The following PAK6 variants were observed in gnomAD, a reference collection of about 807,000 sequenced individuals.
PAK6 encodes serine/threonine-protein kinase PAK 6.
A neutral mutation model predicts 60.8 loss-of-function variants in PAK6; 33 were observed. That is an observed-to-expected ratio of 0.54 (90% CI 0.41 to 0.73). The LOEUF (loss-of-function observed/expected upper bound fraction) is 0.73. Among genes scored for constraint, PAK6 ranks in the 30% least tolerant of loss-of-function variants. The pLI is 0.00. For synonymous variants in PAK6, 404 were observed against 378.5 expected (o/e 1.07, Z -0.78); for missense variants, 845 against 904.1 (o/e 0.93, Z 0.84).
intron 5 of PAK6, 85 bp downstream of exon 5, chr15:40,266,580 T>C: frequency 1.5e-6 from 2 of 1,343,076 alleles, no homozygotes; most frequent in Non-Finnish European, 2.0e-6. Context: ...CTTGGAGGAC[T>C]GGCAAAGAGG....
chr15:40,274,937 C>T (rs2039407798), intron 10 of PAK6, among the ~76,000 whole-genome samples: 1 of 152,186 alleles, frequency 6.6e-6, no homozygotes, highest in African/African-American at 2.4e-5. Flanking sequence ...AGCCTCTCCT[C>T]TAAAATAGCA....
At chr15:40,253,126 G>A in intron 2 of PAK6, 52 bp from the exon 3 acceptor site, 2 of 437,384 alleles carry the variant, frequency 4.6e-6, no homozygotes, top group Admixed American at 4.9e-5. Context: ...CAACACCCGC[G>A]GGAACACTTG....
chr15:40,264,773 A>C lies in PAK6; in HGVS notation c.-5-8A>C. 3 of 1,613,222 alleles carry C rather than the reference A, an allele frequency of 1.9e-6. No homozygotes were observed. The highest frequency in any genetic ancestry group is 3.3e-4 in the Middle Eastern group (2 of 6,062). On this transcript the variant is annotated splice_polypyrimidine_tract_variant and splice_region_variant and intron_variant, in intron 3 of 10. Transcript: ENST00000560346. ...GGGAGGGAGCTCAACCTTACTCTGC[A>C]CTTACAGGCACCATGTTCCGCAAGA... is the stretch of plus-strand genomic sequence containing the variant.
chr15:40,247,313 G>C (rs2038521786), intron 2 of PAK6: 1 of 152,276 alleles, frequency 6.6e-6, no homozygotes, highest in Admixed American at 6.5e-5. Flanking sequence ...GCCATTAAGA[G>C]CAGGCACTGC....
At chr15:40,261,846 C>T (rs536160544) in intron 3 of PAK6, among the ~76,000 whole-genome samples, 1 of 152,330 alleles carries the variant, frequency 6.6e-6, no homozygotes, top group South Asian at 2.1e-4. Flanking sequence ...CCCTGGGACA[C>T]CCTCTGGGCT....
intron 3 of PAK6, chr15:40,263,948 A>G (rs2039050703): frequency 4.4e-6 from 2 of 455,894 alleles, no homozygotes; most frequent in Admixed American, 2.4e-5. Context: ...CTCCAATACC[A>G]GAGAGAAGAG....
intron 3 of PAK6, among the ~76,000 whole-genome samples, chr15:40,255,533 A>G (rs920303904): frequency 6.6e-6 from 1 of 152,188 alleles, no homozygotes; most frequent in African/African-American, 2.4e-5. Flanking sequence ...TGAGGGCCAC[A>G]ACCTGCGTCT....
At chr15:40,270,924 C>A (rs1008781208) in intron 5 of PAK6, among the ~76,000 whole-genome samples, 15 of 152,120 alleles carry the variant, frequency 9.9e-5, no homozygotes, top group Non-Finnish European at 2.1e-4. Flanking sequence ...GTGAGGGTTG[C>A]CAAAGACACT....
intron 3 of PAK6, chr15:40,258,457 GATAA>G (rs1417820502): frequency 6.6e-6 from 1 of 152,268 alleles, no homozygotes; most frequent in African/African-American, 2.4e-5. Context: ...TGGATTTGTG[GATAA>G]CAATTCCTTC....
chr15:40,241,007 T>G (rs553093808), intron 2 of PAK6, among the ~76,000 whole-genome samples: 39 of 152,318 alleles, frequency 2.6e-4, no homozygotes, highest in African/African-American at 9.4e-4. Flanking sequence ...GACATTTCCC[T>G]TGTGTATTCA....
At chr15:40,272,303 A>G in exon 6 of PAK6, 1 of 1,613,998 alleles carries the variant, frequency 6.2e-7, no homozygotes, top group Non-Finnish European at 8.5e-7. Flanking sequence ...CCCTCGGACC[A>G]GCCGGTGGGG....
intron 3 of PAK6, among the ~76,000 whole-genome samples, chr15:40,261,512 G>A (rs994899898): frequency 3.9e-5 from 6 of 151,952 alleles, no homozygotes; most frequent in African/African-American, 7.3e-5. Context: ...ACTCCAGCCC[G>A]GGCAAGACAG....
chr15:40,241,598 C>G (rs920845871), intron 2 of PAK6, among the ~76,000 whole-genome samples: 2 of 152,144 alleles, frequency 1.3e-5, no homozygotes, highest in Non-Finnish European at 2.9e-5. Context: ...AGGGAAGGGT[C>G]GGCACCAGAG....
chr15:40,241,549 A>G (rs2038339062), intron 2 of PAK6, among the ~76,000 whole-genome samples: 1 of 152,056 alleles, frequency 6.6e-6, no homozygotes, highest in Non-Finnish European at 1.5e-5. Flanking sequence ...CCAGGCTTGG[A>G]GGTGGCACCT....
rs576272975 is a variant in PAK6, at chr15:40,276,476, C to T, written c.*382C>T. The T allele has an allele frequency of 2.7e-5, 5 of 183,828 alleles. No individual in the cohort carries two copies. The South Asian group carries it at 7.6e-4, about 28-fold the overall frequency. 11.4% of individuals were successfully genotyped at this position (183,828 alleles called of 1,614,324 possible). A position where few individuals can be genotyped will look rare whatever the true frequency, so the allele number is the denominator to read the frequency against. Reference sequence around the variant, plus strand: ...ACTGCAGAGGGCAGACTGCTGGTCTCCACAGATACCTGCTGTTCTCAGCTC... The same window carrying T: ...ACTGCAGAGGGCAGACTGCTGGTCTTCACAGATACCTGCTGTTCTCAGCTC... On this transcript the variant is annotated 3_prime_UTR_variant, in exon 11 of 11. Transcript: ENST00000560346.
rs368850440 is a variant in PAK6, at chr15:40,265,737, TCCTCCCCAG to T, written c.205-104_205-96del. ...CACAGCAGGGAAGGTCCTTAGGTGG[TCCTCCCCAG>T]GGCCCCCAGGGACATTCTCTGACCC... On this transcript the variant is annotated intron_variant, in intron 4 of 10. Transcript: ENST00000560346. 125 of 1,023,466 alleles carry T rather than the reference TCCTCCCCAG, an allele frequency of 1.2e-4. 1 individual carries two copies. In the African/African-American group the frequency reaches 1.7e-3, roughly 14 times the overall value. The allele number at this position is 1,023,466 out of a possible 1,614,324, so 63.4% of individuals were successfully genotyped here.
At chr15:40,266,625 T>C (rs975674911) in intron 5 of PAK6, 130 bp downstream of exon 5, 29 of 854,206 alleles carry the variant, frequency 3.4e-5, no homozygotes, top group Non-Finnish European at 4.9e-5. Context: ...GCGGCAGAAA[T>C]GTGCACGGTA....
At chr15:40,264,703 C>G in intron 3 of PAK6, 78 bp from the exon 4 acceptor site, 1 of 1,287,976 alleles carries the variant, frequency 7.8e-7, no homozygotes, top group Non-Finnish European at 1.1e-6. Context: ...GGAGGGAGCC[C>G]TGAACCTGGT....
intron 2 of PAK6, among the ~76,000 whole-genome samples, chr15:40,248,259 C>T (rs1006026883): frequency 2.0e-5 from 3 of 152,216 alleles, no homozygotes; most frequent in Non-Finnish European, 4.4e-5. Context: ...AGGTTTGCAC[C>T]TCCCTCTTGG....
Sources: allele counts gnomAD v4.1 joint callset (sites outside exome capture counted in the v4.1 genomes callset), GRCh38; gene constraint gnomAD v4.1.1; transcripts MANE v1.5; gene names NCBI Gene and HGNC (gene_info 2026-07-23, HGNC 2026-07-21).